Variants in CSMD3 observed in about 807,000 individuals in gnomAD.
CSMD3 encodes the protein CUB and sushi domain-containing protein 3.
CSMD3 carries 177 observed loss-of-function variants against 435.2 expected under a neutral mutation model. That is an observed-to-expected ratio of 0.41 (90% CI 0.36 to 0.46). The LOEUF is 0.46. Among genes scored for constraint, CSMD3 ranks in the 20% least tolerant of loss-of-function variants. CSMD3 has a pLI of 0.34. For missense variants in CSMD3, 4,265 were observed against 4,504.6 expected (o/e 0.95, Z 1.52); for synonymous variants, 1,656 against 1,520.5 (o/e 1.09, Z -2.07).
intron 3 of CSMD3, among the ~76,000 whole-genome samples, chr8:113,202,215 T>C (rs1318216125): frequency 2.0e-5 from 3 of 152,162 alleles, no homozygotes; most frequent in African/African-American, 4.8e-5. Context: ...ATGTGTTTAA[T>C]TATATAGCAG....
chr8:113,158,557 G>A (rs1014799551), intron 4 of CSMD3, among the ~76,000 whole-genome samples: 9 of 151,954 alleles, frequency 5.9e-5, no homozygotes, highest in African/African-American at 2.2e-4. Flanking sequence ...ATTGAAACAG[G>A]GAGTGATTAT....
chr8:113,235,259 C>G (rs1397681968), intron 3 of CSMD3, among the ~76,000 whole-genome samples: 2 of 152,110 alleles, frequency 1.3e-5, no homozygotes, highest in African/African-American at 4.8e-5. Flanking sequence ...AGAAAGACCA[C>G]TAATGTCCCT....
intron 1 of CSMD3, among the ~76,000 whole-genome samples, chr8:113,380,933 AAG>A (rs2133104005): frequency 6.6e-6 from 1 of 152,270 alleles, no homozygotes; most frequent in South Asian, 2.1e-4. Flanking sequence ...AAAGAAAAGA[AAG>A]AGAAAAAGGC....
intron 22 of CSMD3, among the ~76,000 whole-genome samples, chr8:112,632,835 A>C (rs2074554176): frequency 6.6e-6 from 1 of 151,714 alleles, no homozygotes; most frequent in African/African-American, 2.4e-5. Flanking sequence ...TATTTGTTTT[A>C]TTTTACTTTA....
chr8:113,424,464 G>T (rs1651897446), intron 1 of CSMD3, among the ~76,000 whole-genome samples: 2 of 151,132 alleles, frequency 1.3e-5, no homozygotes, highest in South Asian at 4.2e-4. Flanking sequence ...CTTTTTTTAG[G>T]TGTTGACCTT....
Position 112,241,782 on chromosome 8 carries a change from C to G in CSMD3, c.10406G>C (p.Gly3469Ala), listed in dbSNP as rs951239836. ...AGGATCTTTCACCAATATTTTAGAACCAGCTATGAAAAGAAATAAAGGTGT... is the reference window on the plus strand; with the variant it reads ...AGGATCTTTCACCAATATTTTAGAAGCAGCTATGAAAAGAAATAAAGGTGT... The part of the protein sequence containing the change: ...WTGKVPICEA[G>A]SKILVKDPRP... Residue 3469 changes from glycine (G) to alanine (A), a missense_variant, in exon 66 of 71, where the codon GGT becomes GCT. Around this residue, in one of 3 missense-constraint regions of CSMD3, gnomAD observed 3,255 missense variants for 3,380.2 expected, o/e 0.96. Transcript: ENST00000297405. 3.7e-6 allele frequency: 6 copies of G among 1,609,752 alleles called. No individual in the cohort carries two copies. In the African/African-American group the frequency reaches 6.7e-5, roughly 18 times the overall value.
chr8:113,401,457 T>C (rs1368192908), intron 1 of CSMD3, among the ~76,000 whole-genome samples: 1 of 151,634 alleles, frequency 6.6e-6, no homozygotes, highest in Non-Finnish European at 1.5e-5. Context: ...TTGTACACGC[T>C]TTTAGGGAAA....
chr8:113,118,934 T>G (rs7835368), intron 4 of CSMD3, among the ~76,000 whole-genome samples: 103,493 of 151,954 alleles, frequency 0.68, 37,063 homozygotes, highest in East Asian at 0.95. Context: ...GTTCACTGCT[T>G]CTGCTTGTTT....
chr8:113,181,727 CA>C (rs1316939692), intron 3 of CSMD3, among the ~76,000 whole-genome samples: 2 of 151,850 alleles, frequency 1.3e-5, no homozygotes, highest in Admixed American at 1.3e-4. Context: ...AGAATATTAC[CA>C]AAACCAAAGA....
chr8:112,970,086 A>T (rs189021226), intron 7 of CSMD3, among the ~76,000 whole-genome samples: 9 of 152,150 alleles, frequency 5.9e-5, no homozygotes, highest in Non-Finnish European at 1.3e-4. Context: ...TTTCTCCACA[A>T]AATAATGATA....
chr8:113,188,613 G>C (rs925022369), intron 3 of CSMD3, among the ~76,000 whole-genome samples: 2 of 151,868 alleles, frequency 1.3e-5, no homozygotes, highest in Admixed American at 6.6e-5. Context: ...CTCCCTACAG[G>C]GATAATTCTA....
intron 32 of CSMD3, among the ~76,000 whole-genome samples, chr8:112,435,608 T>A (rs7015003): frequency 6.6e-6 from 1 of 151,812 alleles, no homozygotes; most frequent in East Asian, 1.9e-4. Flanking sequence ...ACTAATGAAC[T>A]TGGGTATGAT....
intron 41 of CSMD3, among the ~76,000 whole-genome samples, chr8:112,343,017 T>TATATATTTA (rs1563815796): frequency 5.7e-5 from 3 of 52,548 alleles, no homozygotes; most frequent in African/African-American, 9.8e-5. Flanking sequence ...ATATATATAT[T>TATATATTTA]TATATATATA....
intron 3 of CSMD3, among the ~76,000 whole-genome samples, chr8:113,272,696 T>C (rs921823554): frequency 1.3e-5 from 2 of 152,200 alleles, no homozygotes; most frequent in African/African-American, 4.8e-5. Flanking sequence ...TAAAATGGAC[T>C]AATACAGAAC....
intron 49 of CSMD3, 101 bp downstream of exon 49, chr8:112,313,805 G>T: frequency 1.1e-6 from 1 of 923,468 alleles, no homozygotes; most frequent in South Asian, 1.4e-5. Flanking sequence ...GAGGAGCTGT[G>T]ATTTGAATTC....
intron 12 of CSMD3, among the ~76,000 whole-genome samples, chr8:112,815,073 C>A (rs557225457): frequency 6.7e-6 from 1 of 149,834 alleles, no homozygotes; most frequent in Non-Finnish European, 1.5e-5. Context: ...ACTAAAATGA[C>A]GATGATTAGA....
chr8:112,516,564 C>T (rs543196615), intron 28 of CSMD3, among the ~76,000 whole-genome samples: 1 of 152,222 alleles, frequency 6.6e-6, no homozygotes, highest in African/African-American at 2.4e-5. Flanking sequence ...CTTCTTAGAT[C>T]TTCCAAATAA....
intron 9 of CSMD3, among the ~76,000 whole-genome samples, chr8:112,938,800 G>T (rs924715858): frequency 3.9e-5 from 6 of 152,044 alleles, no homozygotes. Flanking sequence ...GAATTTAAAT[G>T]CTAGAATGCA....
intron 11 of CSMD3, among the ~76,000 whole-genome samples, chr8:112,847,520 C>T (rs1194934225): frequency 6.6e-6 from 1 of 152,138 alleles, no homozygotes; most frequent in Non-Finnish European, 1.5e-5. Flanking sequence ...CTGCCTCTCC[C>T]ACTCCCTTAA....
Sources: gnomAD v4.1 joint callset for allele counts (sites outside exome capture counted in the v4.1 genomes callset) on GRCh38, gnomAD v4.1.1 for gene constraint, gnomAD v4.1.1 regional missense constraint, MANE v1.5 for transcripts, NCBI Gene and HGNC (gene_info 2026-07-23, HGNC 2026-07-21) for gene names.